FHIT: variants seen among roughly 807,000 people sequenced by gnomAD.
The protein encoded by FHIT is fragile histidine triad diadenosine triphosphatase.
In FHIT, 19 loss-of-function variants were observed where a neutral mutation model predicts 17.9. The observed-to-expected ratio is 1.06, with a 90% CI of 0.74 to 1.56. FHIT has a LOEUF of 1.56. Ranked by LOEUF, FHIT falls within the 40% of genes most tolerant of loss-of-function variation. The probability of loss-of-function intolerance (pLI) is 0.00; values close to 1 mark genes in which losing one functional copy is unlikely to be tolerated. For missense variants in FHIT, 248 were observed against 189.2 expected (o/e 1.31, Z -1.82); for synonymous variants, 81 against 69.7 (o/e 1.16, Z -0.81).
intron 5 of FHIT, among the ~76,000 whole-genome samples, chr3:60,239,192 T>C (rs752890767): frequency 1.3e-5 from 2 of 152,150 alleles, no homozygotes; most frequent in Admixed American, 1.3e-4. Flanking sequence ...ATGGGAAGAC[T>C]GAAAAAGAGG....
At chr3:60,162,980 G>T (rs867511943) in intron 5 of FHIT, among the ~76,000 whole-genome samples, 25 of 152,256 alleles carry the variant, frequency 1.6e-4, no homozygotes, top group Middle Eastern at 3.4e-3. Flanking sequence ...CCTGTTTGAG[G>T]CAAGACCCAG....
chr3:60,895,704 TTCTTTCTTTC>T (rs1705768733), intron 3 of FHIT, among the ~76,000 whole-genome samples: 2 of 146,774 alleles, frequency 1.4e-5, no homozygotes, highest in Admixed American at 1.4e-4. Context: ...CTTTCTTTCT[TTCTTTCTTTC>T]TTTCTTTCTT....
intron 2 of FHIT, among the ~76,000 whole-genome samples, chr3:61,058,210 T>A (rs761630669): frequency 6.6e-6 from 1 of 152,194 alleles, no homozygotes; most frequent in Non-Finnish European, 1.5e-5. Context: ...TATGATTATA[T>A]AAGCATGAGT....
intron 5 of FHIT, among the ~76,000 whole-genome samples, chr3:60,456,972 G>A (rs1286817628): frequency 6.6e-6 from 1 of 152,098 alleles, no homozygotes; most frequent in Non-Finnish European, 1.5e-5. Context: ...TCATGGGTAG[G>A]AAGAATCAAT....
chr3:60,913,676 G>A (rs929586009), intron 3 of FHIT, among the ~76,000 whole-genome samples: 1 of 152,140 alleles, frequency 6.6e-6, no homozygotes, highest in Non-Finnish European at 1.5e-5. Context: ...TCAGTGAGAC[G>A]GCTCATCTCT....
intron 5 of FHIT, among the ~76,000 whole-genome samples, chr3:60,513,295 A>G (rs1250070506): frequency 6.6e-6 from 1 of 152,080 alleles, no homozygotes; most frequent in Non-Finnish European, 1.5e-5. Context: ...TTTACATTCT[A>G]TTTACTTTTA....
intron 2 of FHIT, among the ~76,000 whole-genome samples, chr3:61,053,666 A>AAAG (rs1352651790): frequency 6.6e-6 from 1 of 151,124 alleles, no homozygotes; most frequent in Admixed American, 6.6e-5. Context: ...CGTCTCAAGA[A>AAAG]AAAAAAAATT....
intron 1 of FHIT, among the ~76,000 whole-genome samples, chr3:61,208,955 TGG>T (rs2039353690): frequency 1.3e-5 from 2 of 151,580 alleles, no homozygotes; most frequent in Non-Finnish European, 2.9e-5. Context: ...TGGCTGGTAC[TGG>T]TTGTTCCTTT....
At chr3:59,969,611 T>A (rs1708085841) in intron 7 of FHIT, among the ~76,000 whole-genome samples, 1 of 152,078 alleles carries the variant, frequency 6.6e-6, no homozygotes, top group African/African-American at 2.4e-5. Flanking sequence ...TTTGTATAAT[T>A]TGGGGCCATT....
intron 4 of FHIT, among the ~76,000 whole-genome samples, chr3:60,743,917 T>C (rs1553714547): frequency 1.3e-5 from 2 of 152,170 alleles, no homozygotes; most frequent in Non-Finnish European, 2.9e-5. Context: ...AGAATTCTGA[T>C]TCCAACTTGC....
intron 3 of FHIT, among the ~76,000 whole-genome samples, chr3:60,990,512 G>C (rs2030094882): frequency 6.6e-6 from 1 of 152,164 alleles, no homozygotes; most frequent in Non-Finnish European, 1.5e-5. Context: ...AAAAATATGT[G>C]TTAATTGTTA....
At chr3:60,194,367 G>A (rs1702528698) in intron 5 of FHIT, among the ~76,000 whole-genome samples, 1 of 152,136 alleles carries the variant, frequency 6.6e-6, no homozygotes, top group African/African-American at 2.4e-5. Context: ...ATGGTACTGG[G>A]AAACCTGGAT....
At position 60,860,524 on chromosome 3, in the gene FHIT, CAT is replaced by C. The variant is rs199821995; in HGVS notation, c.-110-38515_-110-38514del. Among the ~76,000 whole-genome samples the C allele has an allele frequency of 6.3e-4, 61 of 96,606 alleles. 1 individual carries two copies. Among genetic ancestry groups the C allele is most frequent in the African/African-American group, 2.8e-3 (54 of 19,192 alleles). 63.4% of individuals were successfully genotyped at this position (96,606 alleles called of 152,430 possible). A position where few individuals can be genotyped will look rare whatever the true frequency, so the allele number is the denominator to read the frequency against. ...TCAGGTATATATGATACATATGTAT[CAT>C]ATATATCAGGTATATATGATACATA... On this transcript the variant is annotated intron_variant, in intron 3 of 9. Transcript: ENST00000492590.
intron 4 of FHIT, among the ~76,000 whole-genome samples, chr3:60,600,729 T>A (rs2038416894): frequency 6.6e-6 from 1 of 151,858 alleles, no homozygotes; most frequent in South Asian, 2.1e-4. Flanking sequence ...AGAAGGGGAG[T>A]GATGAGGCAA....
At chr3:60,095,478 GCAAA>G (rs1037610933) in intron 5 of FHIT, among the ~76,000 whole-genome samples, 4 of 152,130 alleles carry the variant, frequency 2.6e-5, no homozygotes, top group East Asian at 1.9e-4. Flanking sequence ...CCTGCACTAA[GCAAA>G]CAGTGAATAA....
chr3:61,207,784 A>C (rs1251649052), intron 1 of FHIT, among the ~76,000 whole-genome samples: 1 of 151,958 alleles, frequency 6.6e-6, no homozygotes, highest in East Asian at 1.9e-4. Context: ...TGGATTCATT[A>C]ATTTTTTGAA....
chr3:61,071,244 T>G (rs2034796195), intron 2 of FHIT, among the ~76,000 whole-genome samples: 1 of 152,100 alleles, frequency 6.6e-6, no homozygotes, highest in African/African-American at 2.4e-5. Context: ...GAAAAAAAAT[T>G]CCTAGCTAAG....
chr3:59,786,605 T>A (rs999644771), intron 8 of FHIT, among the ~76,000 whole-genome samples: 17 of 152,228 alleles, frequency 1.1e-4, no homozygotes, highest in African/African-American at 3.9e-4. Context: ...TGATGGAAAT[T>A]GCCTGCAAAT....
chr3:60,724,725 T>C (rs182859089), intron 4 of FHIT, among the ~76,000 whole-genome samples: 2 of 147,368 alleles, frequency 1.4e-5, no homozygotes, highest in Admixed American at 6.9e-5. Flanking sequence ...CTTGACTCAC[T>C]GCAACCACCA....
Sources: allele counts gnomAD v4.1 joint callset (sites outside exome capture counted in the v4.1 genomes callset), GRCh38; gene constraint gnomAD v4.1.1; transcripts MANE v1.5; gene names NCBI Gene and HGNC (gene_info 2026-07-23, HGNC 2026-07-21).